The following AKR1C3 variants were observed in gnomAD, a reference collection of about 807,000 sequenced individuals.
AKR1C3 encodes 3-alpha hydroxysteroid dehydrogenase, type II.
AKR1C3 carries 48 observed loss-of-function variants against 43.6 expected under a neutral mutation model. That is an observed-to-expected ratio of 1.10 (90% CI 0.87 to 1.40). The LOEUF is 1.40. Among genes scored for constraint, AKR1C3 ranks in the 40% most tolerant of loss-of-function variants. The pLI is 0.00. For synonymous variants in AKR1C3, 162 were observed against 139.6 expected (o/e 1.16, Z -1.13); for missense variants, 482 against 391.2 (o/e 1.23, Z -1.96).
intron 1 of AKR1C3, among the ~76,000 whole-genome samples, chr10:5,084,090 C>T (rs1221415415): frequency 1.3e-5 from 2 of 152,174 alleles, no homozygotes; most frequent in Non-Finnish European, 2.9e-5. Context: ...AATTAGGTCC[C>T]ATTTGTCAAT....
intron 1 of AKR1C3, among the ~76,000 whole-genome samples, chr10:5,067,049 T>G (rs1436676150): frequency 1.3e-5 from 2 of 152,244 alleles, no homozygotes; most frequent in Non-Finnish European, 2.9e-5. Flanking sequence ...TGTTTGTTTG[T>G]TTGTTTGTTT....
At chr10:5,103,823 G>T (rs587640435) in intron 7 of AKR1C3, among the ~76,000 whole-genome samples, 1 of 152,172 alleles carries the variant, frequency 6.6e-6, no homozygotes, top group Non-Finnish European at 1.5e-5. Context: ...ATTGGAAAGA[G>T]CTAGAAATTC....
At chr10:5,097,696 T>C in intron 3 of AKR1C3, 146 bp downstream of exon 3, 1 of 1,494,992 alleles carries the variant, frequency 6.7e-7, no homozygotes, top group Non-Finnish European at 8.9e-7. Flanking sequence ...CTAATTTCCT[T>C]TCTTTCGAGT....
At chr10:5,102,290 AGTT>A (rs781985176) in intron 6 of AKR1C3, 80 bp downstream of exon 6, 12 of 1,574,696 alleles carry the variant, frequency 7.6e-6, no homozygotes, top group Non-Finnish European at 9.6e-6. Flanking sequence ...AGTTTCCTGT[AGTT>A]AAGTTTCAAG....
intron 1 of AKR1C3, among the ~76,000 whole-genome samples, chr10:5,068,923 A>C (rs1838563702): frequency 6.6e-6 from 1 of 152,238 alleles, no homozygotes; most frequent in African/African-American, 2.4e-5. Context: ...CATTTAGCAA[A>C]CCTAATATTT....
intron 1 of AKR1C3, among the ~76,000 whole-genome samples, chr10:5,095,688 G>GTCTT (rs1839189839): frequency 1.3e-5 from 2 of 151,938 alleles, no homozygotes; most frequent in Non-Finnish European, 1.5e-5. Flanking sequence ...CTGGAATTCT[G>GTCTT]TCTTTCCTGA....
chr10:5,093,301 G>A (rs1839135920), upstream of AKR1C3: 1 of 151,960 alleles, frequency 6.6e-6, no homozygotes, highest in Non-Finnish European at 1.5e-5. Context: ...CCACCATATT[G>A]CTGAAATCAC....
chr10:5,085,008 T>G (rs1319317549), intron 1 of AKR1C3, among the ~76,000 whole-genome samples: 2 of 152,198 alleles, frequency 1.3e-5, no homozygotes, highest in African/African-American at 4.8e-5. Context: ...AGATACACAA[T>G]CATGTCATCT....
chr10:5,087,953 G>A (rs933107034), intron 1 of AKR1C3, among the ~76,000 whole-genome samples: 4 of 152,050 alleles, frequency 2.6e-5, no homozygotes, highest in Admixed American at 2.6e-4. Context: ...TTTTCAGGGA[G>A]GGTTTAACAC....
In AKR1C3 at chr10:5,096,405, TC is replaced by T; in HGVS notation, c.85-3del. ...ACCAGATACTACCTTTGGTTGCTCC[TC>T]CAGGTTCCGAGAAGTAAAGCTTTGG... On this transcript the variant is annotated splice_polypyrimidine_tract_variant and splice_region_variant and intron_variant, in intron 1 of 8. Transcript: ENST00000380554. 6.2e-7 allele frequency: 1 copy of T among 1,612,450 alleles called. No homozygotes were observed. Among genetic ancestry groups the T allele is most frequent in the Non-Finnish European group, 8.5e-7 (1 of 1,178,966 alleles).
chr10:5,083,805 G>A (rs1274297319), intron 1 of AKR1C3, among the ~76,000 whole-genome samples: 33 of 152,238 alleles, frequency 2.2e-4, no homozygotes, highest in African/African-American at 7.2e-4. Context: ...TTGTGGTTTT[G>A]ATTTGTATTT....
intron 1 of AKR1C3, among the ~76,000 whole-genome samples, chr10:5,087,848 ATTTCT>A (rs1554783453): frequency 1.3e-5 from 2 of 149,720 alleles, no homozygotes; most frequent in African/African-American, 2.5e-5. Context: ...GACCATTCTT[ATTTCT>A]TTTCTTCTGC....
chr10:5,048,884 G>T, exon 1 of AKR1C3: 2 of 1,613,452 alleles, frequency 1.2e-6, no homozygotes, highest in South Asian at 2.2e-5. Flanking sequence ...TGGCACCTAT[G>T]CACCTCCAGA....
At chr10:5,081,476 TG>T (rs1193960440) in intron 1 of AKR1C3, among the ~76,000 whole-genome samples, 1 of 152,220 alleles carries the variant, frequency 6.6e-6, no homozygotes, top group Admixed American at 6.5e-5. Context: ...GCACTTGTTT[TG>T]AGAGTCTCTG....
chr10:5,100,803 A>T (rs1554785844), intron 5 of AKR1C3, among the ~76,000 whole-genome samples: 1 of 152,212 alleles, frequency 6.6e-6, no homozygotes, highest in Non-Finnish European at 1.5e-5. Context: ...AACTTTCAGA[A>T]AATTTGATAA....
chr10:5,065,465 T>G (rs560799541), intron 1 of AKR1C3, among the ~76,000 whole-genome samples: 2 of 152,040 alleles, frequency 1.3e-5, no homozygotes, highest in African/African-American at 4.8e-5. Context: ...TACTTAGGAG[T>G]TGATTGTGTT....
rs72549125 is a variant in AKR1C3 at position 5,076,108 on chromosome 10, C to T, written c.85-20302C>T. The stretch of plus-strand genomic sequence containing the variant: ...GCCTGTTTTTACGGTTGCAAACACA[C>T]AAAACACACTTAAATAAGATGATGT... On this transcript the variant is annotated intron_variant, in intron 1 of 8. Coordinates refer to the AKR1C3 transcript ENST00000439082. Among the ~76,000 whole-genome samples the T allele has an allele frequency of 2.1e-4, 32 of 152,222 alleles. No individual in the cohort carries two copies. In the South Asian group the frequency reaches 5.6e-3, roughly 27 times the overall value.
intron 1 of AKR1C3, among the ~76,000 whole-genome samples, chr10:5,088,772 C>T (rs75295826): frequency 6.6e-6 from 1 of 151,688 alleles, no homozygotes; most frequent in African/African-American, 2.4e-5. Flanking sequence ...TGTTCTATTT[C>T]TTTTAAGTGG....
At chr10:5,055,625 T>C (rs1448287794) in intron 1 of AKR1C3, among the ~76,000 whole-genome samples, 5 of 152,188 alleles carry the variant, frequency 3.3e-5, no homozygotes, top group Non-Finnish European at 7.3e-5. Context: ...GGTTGTGGGG[T>C]TGTCCCACGA....
Sources: allele counts gnomAD v4.1 joint callset (sites outside exome capture counted in the v4.1 genomes callset), GRCh38; gene constraint gnomAD v4.1.1; transcripts MANE v1.5; gene names NCBI Gene and HGNC (gene_info 2026-07-23, HGNC 2026-07-21).